SPOCK3: variants seen among roughly 807,000 people sequenced by gnomAD.
The protein encoded by SPOCK3 is testican-3.
Under a neutral mutation model 56.6 loss-of-function variants are expected in SPOCK3, and 30 were observed. The observed-to-expected ratio is 0.53, with a 90% CI of 0.40 to 0.72. The LOEUF is 0.72. Ranked by LOEUF, SPOCK3 falls within the 30% of genes least tolerant of loss-of-function variation. SPOCK3 has a pLI of 0.00. For missense variants in SPOCK3, 527 were observed against 530.0 expected, an observed-to-expected ratio of 0.99 and a Z score of 0.06; for synonymous variants, 196 against 183.3, an observed-to-expected ratio of 1.07 and a Z score of -0.56.
intron 2 of SPOCK3, among the ~76,000 whole-genome samples, chr4:167,078,613 G>A (rs1048643336): frequency 4.0e-5 from 6 of 151,430 alleles, no homozygotes; most frequent in Admixed American, 4.0e-4. Context: ...GAGAGTTCAG[G>A]TATTAAGTTT....
In SPOCK3 at chr4:166,889,198, A is replaced by T; in HGVS notation, c.521T>A (p.Val174Asp). 1 of 1,612,150 alleles carries T rather than the reference A, an allele frequency of 6.2e-7. No individual in the cohort carries two copies. The highest frequency in any genetic ancestry group is 1.3e-5 in the African/African-American group (1 of 74,886). The change falls in exon 6 of 11, where the codon GTC (valine) becomes GAC (aspartate). Residue 174 changes from valine (V) to aspartate (D), a missense_variant. Coordinates refer to ENST00000357545, the MANE Select transcript of SPOCK3 (RefSeq NM_001040159.2). ...ACATGGGCAATGTCCTTCACATTTG[A>T]CTGAGATCTGTTTTCCTAAGACACA... ...QACVLGKQISVKCEGHCPCPS... is the reference protein window; with the variant it reads ...QACVLGKQISDKCEGHCPCPS...
chr4:166,964,403 C>T (rs1744477310), intron 4 of SPOCK3, among the ~76,000 whole-genome samples: 1 of 151,628 alleles, frequency 6.6e-6, no homozygotes. Flanking sequence ...AAGTCTCAAC[C>T]ATATTGTTAT....
At chr4:166,854,248 G>C (rs1321252522) in intron 6 of SPOCK3, among the ~76,000 whole-genome samples, 2 of 152,156 alleles carry the variant, frequency 1.3e-5, no homozygotes, top group Non-Finnish European at 2.9e-5. Flanking sequence ...TTCTTGATGT[G>C]AGAGGAGGAT....
chr4:166,966,111 T>G (rs1744703159), intron 4 of SPOCK3, among the ~76,000 whole-genome samples: 1 of 152,118 alleles, frequency 6.6e-6, no homozygotes, highest in South Asian at 2.1e-4. Context: ...TAGCTTAGCT[T>G]CTTTCACTTA....
intron 3 of SPOCK3, among the ~76,000 whole-genome samples, chr4:167,024,360 T>C (rs1751491313): frequency 6.6e-6 from 1 of 152,084 alleles, no homozygotes; most frequent in Admixed American, 6.6e-5. Context: ...ATTTATTTTT[T>C]ACTTATAGGT....
At chr4:167,030,723 T>C (rs2150180531) in intron 3 of SPOCK3, among the ~76,000 whole-genome samples, 1 of 152,218 alleles carries the variant, frequency 6.6e-6, no homozygotes. Context: ...CTCTACCATA[T>C]AGGACATGGT....
At chr4:166,968,448 G>A (rs1744993953) in intron 4 of SPOCK3, among the ~76,000 whole-genome samples, 2 of 152,164 alleles carry the variant, frequency 1.3e-5, no homozygotes, top group African/African-American at 4.8e-5. Flanking sequence ...CCCTGCTGCT[G>A]TGTGTAGCCT....
At chr4:167,140,712 C>G (rs1763459413) in intron 2 of SPOCK3, among the ~76,000 whole-genome samples, 1 of 151,900 alleles carries the variant, frequency 6.6e-6, no homozygotes, top group South Asian at 2.1e-4. Context: ...CAGTGAAGCT[C>G]CACCCCTCAA....
At position 166,971,222 on chromosome 4, in the gene SPOCK3, C is replaced by T. The variant is rs183143375; in HGVS notation, c.350+29127G>A. ...ATAAATATTTGTACATAGATTATCC[C>T]TAGGTTTTCCATCATGTAAATAATT... is the stretch of plus-strand genomic sequence containing the variant. On this transcript the variant is annotated intron_variant, in intron 4 of 10. Transcript: ENST00000357545. Among the ~76,000 whole-genome samples, 10 of 152,220 alleles carry T rather than the reference C, an allele frequency of 6.6e-5. No individual in the cohort carries two copies. The East Asian group carries it at 1.9e-3, about 29-fold the overall frequency.
At chr4:167,064,041 T>C (rs976524119) in intron 2 of SPOCK3, among the ~76,000 whole-genome samples, 1 of 151,894 alleles carries the variant, frequency 6.6e-6, no homozygotes, top group African/African-American at 2.4e-5. Context: ...TCTTTTTTAG[T>C]GTCTCCACTG....
In SPOCK3 at chr4:166,866,822, T is replaced by C. The variant is rs112582500; in HGVS notation, c.589+22308A>G. 5.8e-3 allele frequency among the ~76,000 whole-genome samples: 877 copies of C among 152,192 alleles called. 11 individuals carry two copies. Among genetic ancestry groups the C allele is most frequent in the African/African-American group, 0.02 (843 of 41,560 alleles). On this transcript the variant is annotated intron_variant, in intron 6 of 10. Transcript: ENST00000357545. Reference sequence around the variant, plus strand: ...ATAGGTTTCTCTATTGAAAATCATTTTTAATCTTCATGAATGCATTATTAC... The same window carrying C: ...ATAGGTTTCTCTATTGAAAATCATTCTTAATCTTCATGAATGCATTATTAC...
At chr4:166,835,697 T>C (rs972617524) in intron 6 of SPOCK3, among the ~76,000 whole-genome samples, 1 of 152,144 alleles carries the variant, frequency 6.6e-6, no homozygotes, top group African/African-American at 2.4e-5. Flanking sequence ...CATGAGACAA[T>C]ATAAATATTC....
intron 2 of SPOCK3, among the ~76,000 whole-genome samples, chr4:167,162,319 T>A (rs1034905489): frequency 6.6e-6 from 1 of 152,016 alleles, no homozygotes; most frequent in Admixed American, 6.6e-5. Flanking sequence ...AGCCCCAGAC[T>A]TAGCAATGGG....
At chr4:167,089,570 T>TG (rs750213118) in intron 2 of SPOCK3, among the ~76,000 whole-genome samples, 4 of 152,176 alleles carry the variant, frequency 2.6e-5, no homozygotes, top group Non-Finnish European at 5.9e-5. Context: ...TCCAGTATAT[T>TG]GGGGAATTTT....
At chr4:167,049,158 G>A (rs773129659) in intron 3 of SPOCK3, among the ~76,000 whole-genome samples, 1 of 150,418 alleles carries the variant, frequency 6.6e-6, no homozygotes, top group Non-Finnish European at 1.5e-5. Context: ...AGGCTGGAGT[G>A]CAATGGCATG....
At position 166,734,882 on chromosome 4, in the gene SPOCK3, A is replaced by C; in HGVS notation, c.*39T>G. On this transcript the variant is annotated 3_prime_UTR_variant, in exon 11 of 11. Transcript: ENST00000357545. ...TAAATAGGCTATCATTTTTGTAAAT[A>C]TTAGAAATGTAGAATTTATTGATTT... 6 of 1,420,412 alleles carry C rather than the reference A, an allele frequency of 4.2e-6. No individual in the cohort carries two copies. Among genetic ancestry groups the C allele is most frequent in the Non-Finnish European group, 4.8e-6 (5 of 1,049,996 alleles). The allele number at this position is 1,420,412 out of a possible 1,614,324, so 88.0% of individuals were successfully genotyped here.
At chr4:167,144,012 G>A (rs1246781821) in intron 2 of SPOCK3, among the ~76,000 whole-genome samples, 1 of 151,974 alleles carries the variant, frequency 6.6e-6, no homozygotes, top group Non-Finnish European at 1.5e-5. Context: ...CACATGTTAT[G>A]CTCCAGGCAT....
chr4:167,087,748 C>T (rs1758331669), intron 2 of SPOCK3, among the ~76,000 whole-genome samples: 1 of 151,990 alleles, frequency 6.6e-6, no homozygotes, highest in Non-Finnish European at 1.5e-5. Context: ...TTCATTTCCT[C>T]ATGTTTCATT....
At chr4:166,769,609 C>T (rs4860015) in intron 7 of SPOCK3, among the ~76,000 whole-genome samples, 50,170 of 151,938 alleles carry the variant, frequency 0.33, 8,448 homozygotes, top group Admixed American at 0.42. Context: ...TTGGGGGGTG[C>T]CTCCCAGTTA....
Sources: allele counts gnomAD v4.1 joint callset (sites outside exome capture counted in the v4.1 genomes callset), GRCh38; gene constraint gnomAD v4.1.1; transcripts MANE v1.5; gene names NCBI Gene and HGNC (gene_info 2026-07-23, HGNC 2026-07-21).